Variants in CAPZB observed in about 807,000 individuals in gnomAD.
CAPZB encodes F-actin-capping protein subunit beta.
A neutral mutation model predicts 38.1 loss-of-function variants in CAPZB; 2 were observed. The observed-to-expected ratio is 0.05, with a 90% CI of 0.02 to 0.17. The LOEUF (loss-of-function observed/expected upper bound fraction) is 0.17, where lower values mean the gene tolerates loss of function less well. CAPZB is among the 10% of genes least tolerant of loss of function. The pLI is 1.00. For missense variants in CAPZB, 161 were observed against 334.2 expected (o/e 0.48, Z 4.04); for synonymous variants, 107 against 127.4 (o/e 0.84, Z 1.08).
At chr1:19,473,840 G>A (rs1381998143) in intron 1 of CAPZB, among the ~76,000 whole-genome samples, 6 of 152,048 alleles carry the variant, frequency 3.9e-5, no homozygotes, top group African/African-American at 1.4e-4. Context: ...CTCCAGCCTA[G>A]GCAAAGAGAA....
Position 19,357,690 on chromosome 1 carries a change from C to A in CAPZB, c.330-127G>T. ...CCCTGCGACAGTTATGGGAGCCGAT[C>A]CTTGGGTGTGTTCTGATCGTTCTGT... On this transcript the variant is annotated intron_variant, in intron 4 of 8. Transcript: ENST00000264202. The surrounding 1 kb of genome is among the most constrained non-coding windows in gnomAD (Gnocchi z 4.3). 1.2e-6 allele frequency: 1 copy of A among 842,168 alleles called. No individual in the cohort carries two copies. The highest frequency in any genetic ancestry group is 3.1e-4 in the Middle Eastern group (1 of 3,246). 52.2% of individuals were successfully genotyped at this position (842,168 alleles called of 1,614,324 possible).
chr1:19,437,023 G>A (rs536911790), intron 1 of CAPZB, among the ~76,000 whole-genome samples: 1 of 152,330 alleles, frequency 6.6e-6, no homozygotes, highest in South Asian at 2.1e-4. Context: ...GATCGAAGCT[G>A]AGCAAGTTTC....
chr1:19,342,609 G>A, intron 8 of CAPZB: 1 of 646,104 alleles, frequency 1.5e-6, no homozygotes, highest in African/African-American at 1.8e-5. Flanking sequence ...ACACGGGAAT[G>A]TGGCTGTGCA....
chr1:19,442,137 A>G (rs1329870839), intron 1 of CAPZB, among the ~76,000 whole-genome samples: 1 of 20,202 alleles, frequency 4.9e-5, no homozygotes, highest in East Asian at 7.9e-4. Flanking sequence ...TCCAGTTTCA[A>G]TGAGCCTGTT....
intron 2 of CAPZB, among the ~76,000 whole-genome samples, chr1:19,407,796 T>C (rs1434377865): frequency 1.3e-5 from 2 of 152,126 alleles, no homozygotes; most frequent in African/African-American, 4.8e-5. Context: ...GGTCAGCTCC[T>C]CATTCAGGGA....
At chr1:19,416,867 A>G (rs2094382114) in intron 2 of CAPZB, among the ~76,000 whole-genome samples, 1 of 59,996 alleles carries the variant, frequency 1.7e-5, no homozygotes, top group South Asian at 5.4e-4. Flanking sequence ...TCTCAAAAAA[A>G]AAAAAAAAAA....
At chr1:19,471,195 A>G (rs2094585757) in intron 1 of CAPZB, among the ~76,000 whole-genome samples, 1 of 152,234 alleles carries the variant, frequency 6.6e-6, no homozygotes, top group Non-Finnish European at 1.5e-5. Context: ...TCTTCAAAAT[A>G]CTGGACTGGG....
chr1:19,420,082 T>A (rs1008122364), intron 1 of CAPZB: 23 of 272,224 alleles, frequency 8.4e-5, no homozygotes, highest in Non-Finnish European at 1.4e-4. Context: ...TGCCCCCCAG[T>A]TGGTTCCATG....
chr1:19,396,813 C>T (rs2094272957), intron 2 of CAPZB, among the ~76,000 whole-genome samples: 1 of 149,764 alleles, frequency 6.7e-6, no homozygotes, highest in Non-Finnish European at 1.5e-5. Flanking sequence ...AGAAATTAGG[C>T]ACTGTGGCGA....
chr1:19,385,882 G>C, intron 2 of CAPZB: 1 of 581,858 alleles, frequency 1.7e-6, no homozygotes, highest in South Asian at 1.7e-5. Flanking sequence ...ACTGTGTGCA[G>C]CTTTAATTAC....
intron 2 of CAPZB, among the ~76,000 whole-genome samples, chr1:19,401,988 A>C (rs981915386): frequency 2.6e-5 from 4 of 152,112 alleles, no homozygotes; most frequent in African/African-American, 7.2e-5. Flanking sequence ...CAGTAATTTA[A>C]CTCTACTTTT....
chr1:19,440,893 T>C (rs1420585856), intron 1 of CAPZB, among the ~76,000 whole-genome samples: 1 of 152,126 alleles, frequency 6.6e-6, no homozygotes, highest in East Asian at 1.9e-4. Context: ...ACCCCGTCTC[T>C]ACTAAAAATA....
intron 2 of CAPZB, among the ~76,000 whole-genome samples, chr1:19,391,664 GA>G (rs1304067273): frequency 4.6e-5 from 7 of 152,182 alleles, no homozygotes; most frequent in African/African-American, 1.7e-4. Context: ...CCTCGAAACC[GA>G]ACAGGTTCAA....
At chr1:19,455,219 A>T (rs572928097) in intron 1 of CAPZB, among the ~76,000 whole-genome samples, 2 of 152,352 alleles carry the variant, frequency 1.3e-5, no homozygotes, top group South Asian at 4.1e-4. Context: ...CATCTAAAAA[A>T]TATGAAAGGC....
chr1:19,410,585 C>T (rs1570177413), intron 2 of CAPZB, among the ~76,000 whole-genome samples: 1 of 152,150 alleles, frequency 6.6e-6, no homozygotes, highest in Non-Finnish European at 1.5e-5. Flanking sequence ...AAGGGAGCGG[C>T]GGCTCCTCTG....
intron 1 of CAPZB, among the ~76,000 whole-genome samples, chr1:19,427,583 G>A (rs111359244): frequency 1.1e-4 from 16 of 152,350 alleles, no homozygotes; most frequent in African/African-American, 3.4e-4. Flanking sequence ...ATCCTGGGCC[G>A]GCCCAGCCGA....
At chr1:19,447,119 C>A (rs1485326870) in intron 1 of CAPZB, among the ~76,000 whole-genome samples, 1 of 152,134 alleles carries the variant, frequency 6.6e-6, no homozygotes. Flanking sequence ...CCATCCCAGC[C>A]CTCACTGGGT....
intron 3 of CAPZB, among the ~76,000 whole-genome samples, chr1:19,383,312 G>C (rs764476793): frequency 6.6e-6 from 1 of 151,988 alleles, no homozygotes; most frequent in African/African-American, 2.4e-5. Flanking sequence ...TGGGAGCGAT[G>C]GCGTACACCC....
intron 8 of CAPZB, among the ~76,000 whole-genome samples, chr1:19,342,572 G>A (rs1476437681): frequency 6.6e-6 from 1 of 152,178 alleles, no homozygotes; most frequent in Admixed American, 6.5e-5. Context: ...ACACGTGATA[G>A]GTGCCGTGTT....
Sources: gnomAD v4.1 joint callset for allele counts (sites outside exome capture counted in the v4.1 genomes callset) on GRCh38, gnomAD v4.1.1 for gene constraint, Gnocchi (gnomAD v3.1) non-coding constraint, MANE v1.5 for transcripts, NCBI Gene and HGNC (gene_info 2026-07-23, HGNC 2026-07-21) for gene names.